Variants in WDR20 observed in about 807,000 individuals in gnomAD.
WDR20 encodes the protein WD repeat domain 20, also known as WD repeat-containing protein 20.
WDR20 carries 3 observed loss-of-function variants against 38.7 expected under a neutral mutation model. That is an observed-to-expected ratio of 0.08 (90% CI 0.04 to 0.20). The LOEUF (loss-of-function observed/expected upper bound fraction) is 0.20, where lower values mean the gene tolerates loss of function less well. Among genes scored for constraint, WDR20 ranks in the 10% least tolerant of loss-of-function variants. The pLI is 1.00. For missense variants in WDR20, 559 were observed against 727.7 expected (o/e 0.77, Z 2.67); for synonymous variants, 298 against 285.6 (o/e 1.04, Z -0.44).
At chr14:102,139,492 C>T, upstream of WDR20, 1 of 1,378,072 alleles carries the variant, frequency 7.3e-7, no homozygotes, top group South Asian at 1.4e-5. Context: ...GGGGTCCCGG[C>T]GCCCCTCAGG....
chr14:102,140,986 T>A (rs2050867468), intron 1 of WDR20, among the ~76,000 whole-genome samples: 1 of 152,202 alleles, frequency 6.6e-6, no homozygotes, highest in Non-Finnish European at 1.5e-5. Context: ...TAAAAGCTGC[T>A]TTAAAGGGAC....
At chr14:102,189,827 CAG>C in intron 1 of WDR20, among the ~76,000 whole-genome samples, 1 of 152,226 alleles carries the variant, frequency 6.6e-6, no homozygotes, top group East Asian at 1.9e-4. Context: ...TTGATTATAA[CAG>C]ACATAAAACA....
chr14:102,193,110 T>C (rs1183701444), intron 1 of WDR20, among the ~76,000 whole-genome samples: 1 of 151,974 alleles, frequency 6.6e-6, no homozygotes, highest in African/African-American at 2.4e-5. Context: ...TTATATCTTA[T>C]TTTATATTTG....
At chr14:102,204,359 C>T (rs1354774106) in intron 2 of WDR20, among the ~76,000 whole-genome samples, 1 of 152,210 alleles carries the variant, frequency 6.6e-6, no homozygotes, top group Admixed American at 6.5e-5. Flanking sequence ...CTTGGCCATC[C>T]TATTCAACAT....
Position 102,191,580 on chromosome 14 carries a change from A to G in WDR20, c.250-3358A>G, listed in dbSNP as rs2066447568. 4.6e-5 allele frequency among the ~76,000 whole-genome samples: 7 copies of G among 152,138 alleles called. No individual in the cohort carries two copies. In the South Asian group the frequency reaches 1.5e-3, roughly 32 times the overall value. On this transcript the variant is annotated intron_variant, in intron 1 of 2. Transcript: ENST00000342702. ...TCTCTATCTGGGGTGGGGCTCCAAA[A>G]AGCTCTGGCCCAAGAGTGGAGTCCA...
chr14:102,170,180 T>C (rs1356886918), intron 1 of WDR20, among the ~76,000 whole-genome samples: 1 of 152,260 alleles, frequency 6.6e-6, no homozygotes, highest in Non-Finnish European at 1.5e-5. Context: ...GACATTATTG[T>C]GTAAAAGCAT....
intron 1 of WDR20, chr14:102,167,655 C>G (rs547581381): frequency 6.6e-6 from 1 of 152,304 alleles, no homozygotes; most frequent in Admixed American, 6.5e-5. Context: ...TTTACCCTGA[C>G]CTTCAGACTA....
chr14:102,154,009 A>T lies in WDR20; in HGVS notation c.249+13837A>T, dbSNP rs902939219. Among the ~76,000 whole-genome samples, 10 of 152,248 alleles carry T rather than the reference A, an allele frequency of 6.6e-5. 1 individual carries two copies. The highest frequency in any genetic ancestry group is 6.8e-3 in the Middle Eastern group (2 of 294). On this transcript the variant is annotated intron_variant, in intron 1 of 2. Coordinates refer to ENST00000342702, the MANE Select transcript of WDR20 (RefSeq NM_144574.4). ...GAGACCTTGTCTCACTATGTTAAAA[A>T]TTTTTTTAAATGAGCTAGATGTGGT...
At chr14:102,219,681 G>A (rs1005820314), downstream of WDR20, among the ~76,000 whole-genome samples, 33 of 152,232 alleles carry the variant, frequency 2.2e-4, no homozygotes, top group African/African-American at 6.5e-4. Flanking sequence ...GGTGGCCAAC[G>A]TGCTTCCTGA....
At chr14:102,192,052 G>A (rs2058598432) in intron 1 of WDR20, among the ~76,000 whole-genome samples, 1 of 152,084 alleles carries the variant, frequency 6.6e-6, no homozygotes, top group African/African-American at 2.4e-5. Flanking sequence ...CTGTACTACA[G>A]GCAGTGCATT....
In WDR20 at chr14:102,207,232, T is replaced by G. The variant is rs2061710564; in HGVS notation, c.433-1371T>G. Among the ~76,000 whole-genome samples the G allele has an allele frequency of 6.6e-6, 1 of 152,264 alleles. No individual in the cohort carries two copies. On this transcript the variant is annotated intron_variant, in intron 2 of 2. Coordinates refer to ENST00000342702, the MANE Select transcript of WDR20 (RefSeq NM_144574.4). This position sits in a 1 kb window ranked among gnomAD's most constrained non-coding sequence, Gnocchi z 5.0. ...CCGCATGCTGTGTGGCGTTCAGGCC[T>G]CCGTTCTTCCTGCCTGGGGTCCTTT...
chr14:102,186,295 A>G (rs1180964139), intron 1 of WDR20, among the ~76,000 whole-genome samples: 1 of 152,128 alleles, frequency 6.6e-6, no homozygotes, highest in Admixed American at 6.6e-5. Context: ...GGACTGTGGA[A>G]TTGGCATCTG....
Position 102,209,341 on chromosome 14 carries a change from C to T in WDR20, c.1171C>T (p.His391Tyr). 6.2e-7 allele frequency: 1 copy of T among 1,614,170 alleles called. No individual in the cohort carries two copies. The highest frequency in any genetic ancestry group is 8.5e-7 in the Non-Finnish European group (1 of 1,180,040). The change falls in exon 3 of 3, where the codon CAC becomes TAC. Residue 391 changes from histidine (H) to tyrosine (Y), a missense_variant. Coordinates refer to ENST00000342702, the MANE Select transcript of WDR20 (RefSeq NM_144574.4). This position sits in a 1 kb window ranked among gnomAD's most constrained non-coding sequence, Gnocchi z 6.0. ...CCTTACAGAAGATATCCTTTTCCCT[C>T]ACCAACCCCTCTCAAGAGCAAGGAC... is the stretch of plus-strand genomic sequence containing the variant. ...WDLTEDILFP[H>Y]QPLSRARTHT...
At chr14:102,202,201 T>C (rs949776713) in intron 2 of WDR20, among the ~76,000 whole-genome samples, 9 of 150,544 alleles carry the variant, frequency 6.0e-5, no homozygotes, top group African/African-American at 2.2e-4. Context: ...CCCTGTGCAC[T>C]CCATCCCTCT....
downstream of WDR20, chr14:102,210,575 A>T: frequency 1.0e-6 from 1 of 984,732 alleles, no homozygotes; most frequent in Non-Finnish European, 1.2e-6. Flanking sequence ...AGATACCCGT[A>T]CCTCACTCAG....
In WDR20 at chr14:102,209,736, G is replaced by A; in HGVS notation, c.1566G>A (p.Leu522=). The A allele has an allele frequency of 1.2e-6, 2 of 1,614,114 alleles. No homozygotes were observed. Among genetic ancestry groups the A allele is most frequent in the Non-Finnish European group, 1.7e-6 (2 of 1,180,036 alleles). Residue 522 remains leucine, a synonymous_variant, in exon 3 of 3, where the codon TTG becomes TTA. Transcript: ENST00000342702. This position sits in a 1 kb window ranked among gnomAD's most constrained non-coding sequence, Gnocchi z 6.0. ...GTCCTCGAATGGAAGATGTTCCCTTGTTAGAGCCGCTGATATGTAAAAAGA... is the reference window on the plus strand; with the variant it reads ...GTCCTCGAATGGAAGATGTTCCCTTATTAGAGCCGCTGATATGTAAAAAGA... ...PLCPRMEDVP[L]LEPLICKKIA...
At chr14:102,200,467 T>TTTGTGTGTGTG (rs748066838) in intron 2 of WDR20, among the ~76,000 whole-genome samples, 11 of 117,774 alleles carry the variant, frequency 9.3e-5, no homozygotes, top group African/African-American at 2.5e-4. Context: ...ATTTTTTTTT[T>TTTGTGTGTGTG]TGTGTGTGTG....
chr14:102,222,886 A>T lies in WDR20; in HGVS notation c.*3A>T. On this transcript the variant is annotated 3_prime_UTR_variant, in exon 4 of 4. Transcript: ENST00000335263. The surrounding 1 kb of genome is among the most constrained non-coding windows in gnomAD (Gnocchi z 4.4). ...CTCCAGGTGGAACTGTAGTGTAGCG[A>T]CCTCACTGCTGCGCGCACAGTCTCC... 6.2e-7 allele frequency: 1 copy of T among 1,614,048 alleles called. No homozygotes were observed. The highest frequency in any genetic ancestry group is 8.5e-7 in the Non-Finnish European group (1 of 1,179,962).
chr14:102,212,937 G>C (rs953457666), downstream of WDR20: 37 of 1,060,740 alleles, frequency 3.5e-5, no homozygotes, highest in Non-Finnish European at 4.2e-5. Flanking sequence ...CAGCATCACT[G>C]TTCCAGCGTG....
Sources: gnomAD v4.1 joint callset for allele counts (sites outside exome capture counted in the v4.1 genomes callset) on GRCh38, gnomAD v4.1.1 for gene constraint, Gnocchi (gnomAD v3.1) non-coding constraint, MANE v1.5 for transcripts, NCBI Gene and HGNC (gene_info 2026-07-23, HGNC 2026-07-21) for gene names.